BCAS3: variants seen among roughly 807,000 people sequenced by gnomAD.
The protein encoded by BCAS3 is BCAS4/BCAS3 fusion.
A neutral mutation model predicts 116.1 loss-of-function variants in BCAS3; 53 were observed. The observed-to-expected ratio is 0.46, with a 90% CI of 0.37 to 0.57. BCAS3 has a LOEUF of 0.57. Among genes scored for constraint, BCAS3 ranks in the 20% least tolerant of loss-of-function variants. BCAS3 has a pLI of 0.00. For synonymous variants in BCAS3, 391 were observed against 408.2 expected, an observed-to-expected ratio of 0.96 and a Z score of 0.51; for missense variants, 917 against 1,165.4, an observed-to-expected ratio of 0.79 and a Z score of 3.10.
intron 22 of BCAS3, among the ~76,000 whole-genome samples, chr17:61,242,909 CTT>C (rs763046007): frequency 3.4e-5 from 5 of 145,378 alleles, no homozygotes; most frequent in Non-Finnish European, 3.0e-5. Context: ...AAGCTATACA[CTT>C]TTTTTTTTTT....
intron 22 of BCAS3, among the ~76,000 whole-genome samples, chr17:61,318,140 G>A (rs1011583230): frequency 3.9e-5 from 6 of 152,326 alleles, no homozygotes; most frequent in African/African-American, 1.4e-4. Flanking sequence ...CACACCAGGA[G>A]TCAGGGCCCT....
chr17:61,231,894 G>A, intron 22 of BCAS3, among the ~76,000 whole-genome samples: 2 of 145,440 alleles, frequency 1.4e-5, no homozygotes, highest in Admixed American at 6.9e-5. Context: ...AAAAGAAAGA[G>A]AAAGAAGGAA....
chr17:60,746,470 C>A (rs1432690913), intron 5 of BCAS3, among the ~76,000 whole-genome samples: 1 of 152,086 alleles, frequency 6.6e-6, no homozygotes, highest in Non-Finnish European at 1.5e-5. Context: ...CCTGAACATA[C>A]CCTTTACCTT....
Position 61,134,439 on chromosome 17 carries a change from C to A in BCAS3, c.2425+49875C>A, listed in dbSNP as rs1192178179. ...ATTCGGAACCACGCATGTCTGACTC[C>A]AGAGCCCTCGCTTTTTACACCAGCC... On this transcript the variant is annotated intron_variant, in intron 22 of 23. Coordinates refer to ENST00000407086, the MANE Select transcript of BCAS3 (RefSeq NM_017679.5). This position sits in a 1 kb window ranked among gnomAD's most constrained non-coding sequence, Gnocchi z 4.6. Among the ~76,000 whole-genome samples, 1 of 152,190 alleles carries A rather than the reference C, an allele frequency of 6.6e-6. No homozygotes were observed. Among genetic ancestry groups the A allele is most frequent in the Non-Finnish European group, 1.5e-5 (1 of 68,038 alleles).
chr17:61,300,726 A>T lies in BCAS3; in HGVS notation c.2426-67601A>T, dbSNP rs1477360141. 6.6e-6 allele frequency among the ~76,000 whole-genome samples: 1 copy of T among 152,126 alleles called. No individual in the cohort carries two copies. Among genetic ancestry groups the T allele is most frequent in the Non-Finnish European group, 1.5e-5 (1 of 68,024 alleles). On this transcript the variant is annotated intron_variant, in intron 22 of 23. Transcript: ENST00000407086. This position sits in a 1 kb window ranked among gnomAD's most constrained non-coding sequence, Gnocchi z 5.1. ...ACCTTTTTTTCCCTCATCACCTACC[A>T]CAGAAAGTTCAGAGAAGTTTTTATT...
At chr17:61,190,442 G>A (rs1168978066) in intron 22 of BCAS3, among the ~76,000 whole-genome samples, 5 of 136,722 alleles carry the variant, frequency 3.7e-5, no homozygotes, top group African/African-American at 1.3e-4. Context: ...CAGGAGAATC[G>A]CTTGAACCCG....
chr17:60,814,438 A>G (rs60545221), intron 7 of BCAS3, among the ~76,000 whole-genome samples: 5,037 of 151,962 alleles, frequency 0.033, 255 homozygotes, highest in African/African-American at 0.11. Context: ...GAAATTTTTT[A>G]TTAGTTCTAG....
chr17:60,839,281 C>CT (rs1459973708), intron 7 of BCAS3, among the ~76,000 whole-genome samples: 2 of 152,256 alleles, frequency 1.3e-5, no homozygotes, highest in African/African-American at 4.8e-5. Flanking sequence ...TCTAACACAT[C>CT]TTTGTGTTTA....
chr17:61,140,020 G>C lies in BCAS3; in HGVS notation c.2425+55456G>C, dbSNP rs2076835210. Among the ~76,000 whole-genome samples, 1 of 152,148 alleles carries C rather than the reference G, an allele frequency of 6.6e-6. No individual in the cohort carries two copies. Among genetic ancestry groups the C allele is most frequent in the Non-Finnish European group, 1.5e-5 (1 of 68,032 alleles). On this transcript the variant is annotated intron_variant, in intron 22 of 23. Transcript: ENST00000407086. The surrounding 1 kb of genome is among the most constrained non-coding windows in gnomAD (Gnocchi z 4.2). ...GGAGGCCGAGGTGGATAGATCACTT[G>C]AGGTCAGGAGTTCGAGGTCAGACTG...
chr17:61,375,867 C>A (rs564683239), intron 23 of BCAS3, among the ~76,000 whole-genome samples: 1 of 152,178 alleles, frequency 6.6e-6, no homozygotes, highest in Non-Finnish European at 1.5e-5. Context: ...GCCACCACAC[C>A]GGGCCAATTA....
At chr17:60,986,042 C>T (rs2063121850) in intron 14 of BCAS3, among the ~76,000 whole-genome samples, 1 of 152,118 alleles carries the variant, frequency 6.6e-6, no homozygotes, top group South Asian at 2.1e-4. Flanking sequence ...TGGCCAAGTT[C>T]CTTGTTTTAC....
At chr17:60,744,399 A>G in intron 5 of BCAS3, among the ~76,000 whole-genome samples, 1 of 152,208 alleles carries the variant, frequency 6.6e-6, no homozygotes, top group Middle Eastern at 3.2e-3. Context: ...GTATAAAATT[A>G]TTATTCAGAA....
chr17:61,284,720 A>G (rs2051575995), intron 22 of BCAS3, among the ~76,000 whole-genome samples: 1 of 140,722 alleles, frequency 7.1e-6, no homozygotes, highest in Admixed American at 7.3e-5. Context: ...TTTTCAGCCT[A>G]TGTGGGCATT....
intron 22 of BCAS3, among the ~76,000 whole-genome samples, chr17:61,206,781 A>G (rs539929726): frequency 1.5e-5 from 2 of 135,544 alleles, no homozygotes; most frequent in African/African-American, 5.7e-5. Flanking sequence ...AGCCTGGGCA[A>G]CAAGAGCGAA....
chr17:60,917,263 C>T (rs912195397), intron 12 of BCAS3, among the ~76,000 whole-genome samples: 3 of 152,114 alleles, frequency 2.0e-5, no homozygotes, highest in Non-Finnish European at 4.4e-5. Context: ...CTTTCCAAAA[C>T]TTTTTCACCA....
chr17:61,331,029 C>T (rs2056234576), intron 22 of BCAS3, among the ~76,000 whole-genome samples: 1 of 152,224 alleles, frequency 6.6e-6, no homozygotes, highest in Non-Finnish European at 1.5e-5. Context: ...ACAAATGCAA[C>T]TCCTTGTTGA....
chr17:61,119,566 C>T (rs949791803), intron 22 of BCAS3, among the ~76,000 whole-genome samples: 1 of 151,790 alleles, frequency 6.6e-6, no homozygotes, highest in Non-Finnish European at 1.5e-5. Context: ...AACCAAAAAC[C>T]GACATCATAT....
In BCAS3 at chr17:60,677,885, G is replaced by A. The variant is rs2032216680; in HGVS notation, c.-35G>A. The stretch of plus-strand genomic sequence containing the variant: ...GACTCCAAACAGTGAGCCTAGAGCT[G>A]GAGACTAGCGTTAACCGGCGGGGCG... On this transcript the variant is annotated 5_prime_UTR_variant, in exon 1 of 24. Transcript: ENST00000407086. The A allele has an allele frequency of 6.5e-6, 1 of 153,588 alleles. No individual in the cohort carries two copies. The highest frequency in any genetic ancestry group is 1.5e-5 in the Non-Finnish European group (1 of 68,748). The allele number at this position is 153,588 out of a possible 1,614,324, so 9.5% of individuals were successfully genotyped here.
chr17:61,179,915 C>A (rs1209454358), intron 22 of BCAS3, among the ~76,000 whole-genome samples: 1 of 146,980 alleles, frequency 6.8e-6, no homozygotes, highest in African/African-American at 2.6e-5. Flanking sequence ...TGTTATAGGC[C>A]TAGTGGCATC....
Sources: allele counts gnomAD v4.1 joint callset (sites outside exome capture counted in the v4.1 genomes callset), GRCh38; gene constraint gnomAD v4.1.1; non-coding constraint Gnocchi (gnomAD v3.1); transcripts MANE v1.5; gene names NCBI Gene and HGNC (gene_info 2026-07-23, HGNC 2026-07-21).